PROSER2: variants seen among roughly 807,000 people sequenced by gnomAD.
The protein encoded by PROSER2 is proline and serine-rich protein 2.
PROSER2 carries 18 observed loss-of-function variants against 14.6 expected under a neutral mutation model. The ratio of observed to expected loss-of-function variants is 1.23; its 90% CI spans 0.85 to 1.83. PROSER2 has a LOEUF of 1.83. Among genes scored for constraint, PROSER2 ranks in the 40% most tolerant of loss-of-function variants. The pLI is 0.00. For missense variants in PROSER2, 823 were observed against 629.8 expected, an observed-to-expected ratio of 1.31 and a Z score of -3.28; for synonymous variants, 367 against 286.4, an observed-to-expected ratio of 1.28 and a Z score of -2.84.
chr10:11,841,575 G>A (rs1833846472), intron 1 of PROSER2, among the ~76,000 whole-genome samples: 3 of 152,140 alleles, frequency 2.0e-5, no homozygotes, highest in Admixed American at 6.5e-5. Flanking sequence ...CACAGGTTTC[G>A]ATAGGTAGCG....
chr10:11,840,682 G>A (rs902353587), intron 1 of PROSER2, among the ~76,000 whole-genome samples: 10 of 151,828 alleles, frequency 6.6e-5, no homozygotes, highest in African/African-American at 2.2e-4. Flanking sequence ...CCAGCACTTT[G>A]GGAGGCCAGG....
At chr10:11,855,925 T>C (rs1445947969) in intron 2 of PROSER2, among the ~76,000 whole-genome samples, 1 of 152,192 alleles carries the variant, frequency 6.6e-6, no homozygotes, top group East Asian at 1.9e-4. Context: ...AGAGGCTAGT[T>C]GTGTGTGTGC....
At chr10:11,859,859 C>G (rs1834200852) in intron 2 of PROSER2, among the ~76,000 whole-genome samples, 1 of 152,238 alleles carries the variant, frequency 6.6e-6, no homozygotes, top group Non-Finnish European at 1.5e-5. Flanking sequence ...AAATCATGGC[C>G]CATTTGCAGT....
intron 1 of PROSER2, among the ~76,000 whole-genome samples, chr10:11,842,834 C>A (rs990653002): frequency 6.7e-6 from 1 of 150,318 alleles, no homozygotes; most frequent in Non-Finnish European, 1.5e-5. Context: ...TGTATGTATA[C>A]ATGTACATAT....
chr10:11,844,024 C>T (rs1171663566), intron 1 of PROSER2, among the ~76,000 whole-genome samples: 1 of 151,910 alleles, frequency 6.6e-6, no homozygotes, highest in African/African-American at 2.4e-5. Context: ...AGGGTCTTTG[C>T]CCTGCCCCCT....
At chr10:11,855,290 G>A (rs1189032158) in intron 2 of PROSER2, among the ~76,000 whole-genome samples, 2 of 151,546 alleles carry the variant, frequency 1.3e-5, no homozygotes, top group East Asian at 1.9e-4. Flanking sequence ...TGGCTAAGAC[G>A]GTGAAACCCC....
chr10:11,852,252 T>A, intron 2 of PROSER2, 37 bp downstream of exon 2: 2 of 1,559,018 alleles, frequency 1.3e-6, no homozygotes, highest in Non-Finnish European at 1.7e-6. Flanking sequence ...TTCCTGTGCC[T>A]GGGTCAGTGG....
rs1834409363 is a variant in PROSER2 at position 11,869,048 on chromosome 10, TTC to T, written c.392-438_392-437del. ...AGGACTCAGAGGCAGGCCTGTTAAATTCTCTGTCATAGAGGAAAGTGACACAG... is the reference window on the plus strand; with the variant it reads ...AGGACTCAGAGGCAGGCCTGTTAAATTCTGTCATAGAGGAAAGTGACACAG... On this transcript the variant is annotated intron_variant, in intron 3 of 3. Transcript: ENST00000277570. This position sits in a 1 kb window ranked among gnomAD's most constrained non-coding sequence, Gnocchi z 4.4. Among the ~76,000 whole-genome samples the T allele has an allele frequency of 6.6e-6, 1 of 152,210 alleles. No individual in the cohort carries two copies. Among genetic ancestry groups the T allele is most frequent in the Admixed American group, 6.5e-5 (1 of 15,280 alleles).
chr10:11,871,132 C>A lies in PROSER2; in HGVS notation c.*726C>A, dbSNP rs1834482618. The A allele has an allele frequency of 6.6e-6, 1 of 152,160 alleles. No individual in the cohort carries two copies. The highest frequency in any genetic ancestry group is 6.5e-5 in the Admixed American group (1 of 15,276). The allele number at this position is 152,160 out of a possible 1,614,324, so 9.4% of individuals were successfully genotyped here. Reference sequence around the variant, plus strand: ...TGTATGTTTTTAGATACGTACGTGTCAACACATACATGCATAGGTATCCTG... The same window carrying A: ...TGTATGTTTTTAGATACGTACGTGTAAACACATACATGCATAGGTATCCTG... On this transcript the variant is annotated 3_prime_UTR_variant, in exon 4 of 4. Coordinates refer to ENST00000277570, the MANE Select transcript of PROSER2 (RefSeq NM_153256.4).
In PROSER2 at chr10:11,828,400, A is replaced by G. The variant is rs148024452; in HGVS notation, c.-82+4930A>G. 8.5e-5 allele frequency among the ~76,000 whole-genome samples: 13 copies of G among 152,054 alleles called. No homozygotes were observed. In the East Asian group the frequency reaches 2.1e-3, roughly 25 times the overall value. ...AAAAATAGTACAATTGGTATTTTCTATAAATATTCAGAGCATTTTGGCTGG... is the reference window on the plus strand; with the variant it reads ...AAAAATAGTACAATTGGTATTTTCTGTAAATATTCAGAGCATTTTGGCTGG... On this transcript the variant is annotated intron_variant, in intron 1 of 3. Coordinates refer to ENST00000277570, the MANE Select transcript of PROSER2 (RefSeq NM_153256.4).
intron 1 of PROSER2, among the ~76,000 whole-genome samples, chr10:11,846,398 T>C (rs1359103939): frequency 6.6e-6 from 1 of 152,166 alleles, no homozygotes; most frequent in African/African-American, 2.4e-5. Flanking sequence ...TCTCTTAACC[T>C]CTCATTGGTT....
chr10:11,870,416 G>T lies in PROSER2; in HGVS notation c.*10G>T, dbSNP rs959124016. The T allele has an allele frequency of 1.0e-5, 15 of 1,476,492 alleles. No individual in the cohort carries two copies. In the Admixed American group the frequency reaches 3.2e-4, roughly 31 times the overall value. The allele number at this position is 1,476,492 out of a possible 1,614,324, so 91.5% of individuals were successfully genotyped here. A position where few individuals can be genotyped will look rare whatever the true frequency, so the allele number is the denominator to read the frequency against. On this transcript the variant is annotated 3_prime_UTR_variant, in exon 4 of 4. Coordinates refer to ENST00000277570, the MANE Select transcript of PROSER2 (RefSeq NM_153256.4). ...CAGGGAGAGTTCGTGAGGGCCGCGCGGGCTCCAGTCCACCCCGTTTCTCCC... is the reference window on the plus strand; with the variant it reads ...CAGGGAGAGTTCGTGAGGGCCGCGCTGGCTCCAGTCCACCCCGTTTCTCCC...
rs541441912 is a variant in PROSER2 at position 11,856,886 on chromosome 10, G to A, written c.138+4671G>A. Among the ~76,000 whole-genome samples the A allele has an allele frequency of 6.6e-6, 1 of 152,328 alleles. No homozygotes were observed. Among genetic ancestry groups the A allele is most frequent in the African/African-American group, 2.4e-5 (1 of 41,566 alleles). ...TGCTGTTTGCTCTGTGACTTCAGGA[G>A]GGGACACTGAACCGGAGGTGCCTTG... On this transcript the variant is annotated intron_variant, in intron 2 of 3. Coordinates refer to ENST00000277570, the MANE Select transcript of PROSER2 (RefSeq NM_153256.4). The surrounding 1 kb of genome is among the most constrained non-coding windows in gnomAD (Gnocchi z 5.3).
chr10:11,831,640 C>T (rs1833690451), intron 1 of PROSER2: 1 of 152,330 alleles, frequency 6.6e-6, no homozygotes, highest in Non-Finnish European at 1.5e-5. Flanking sequence ...TGGTTGACCT[C>T]CCCTCGCCTT....
chr10:11,852,191 C>T lies in PROSER2; in HGVS notation c.114C>T (p.Ser38=). ...RGGSLESRSS[S]SRSRSFTLDD... ...GCAGCCTGGAGAGTCGAAGCAGCAG[C>T]TCTCGCTCCAGAAGCTTCACTTTGG... Residue 38 remains serine, a synonymous_variant, in exon 2 of 4, where the codon AGC becomes AGT. Coordinates refer to ENST00000277570, the MANE Select transcript of PROSER2 (RefSeq NM_153256.4). 3 of 1,612,218 alleles carry T rather than the reference C, an allele frequency of 1.9e-6. No individual in the cohort carries two copies. Among genetic ancestry groups the T allele is most frequent in the Admixed American group, 1.7e-5 (1 of 59,736 alleles).
At chr10:11,853,767 C>T (rs147753609) in intron 2 of PROSER2, among the ~76,000 whole-genome samples, 1 of 152,110 alleles carries the variant, frequency 6.6e-6, no homozygotes, top group African/African-American at 2.4e-5. Flanking sequence ...TTTCTTTGAT[C>T]GCTAAAGGTG....
chr10:11,846,488 C>G (rs1476978700), intron 1 of PROSER2, among the ~76,000 whole-genome samples: 1 of 152,168 alleles, frequency 6.6e-6, no homozygotes, highest in African/African-American at 2.4e-5. Flanking sequence ...CTCTCTCTAG[C>G]TATATTTGAT....
At chr10:11,841,050 G>C (rs1833839890) in intron 1 of PROSER2, among the ~76,000 whole-genome samples, 1 of 133,040 alleles carries the variant, frequency 7.5e-6, no homozygotes, top group South Asian at 2.5e-4. Flanking sequence ...GGAGTTATTT[G>C]TTCCTTGAAT....
intron 1 of PROSER2, among the ~76,000 whole-genome samples, chr10:11,828,353 A>T: frequency 6.6e-6 from 1 of 151,790 alleles, no homozygotes; most frequent in East Asian, 1.9e-4. Flanking sequence ...TAAACAGGTG[A>T]GTTGGGTCCA....
Sources: allele counts gnomAD v4.1 joint callset (sites outside exome capture counted in the v4.1 genomes callset), GRCh38; gene constraint gnomAD v4.1.1; non-coding constraint Gnocchi (gnomAD v3.1); transcripts MANE v1.5; gene names NCBI Gene and HGNC (gene_info 2026-07-23, HGNC 2026-07-21).